The following SRD5A3 variants were observed in gnomAD, a reference collection of about 807,000 sequenced individuals.
SRD5A3 encodes the protein steroid 5 alpha-reductase 3.
In SRD5A3, 24 loss-of-function variants were observed where a neutral mutation model predicts 34.3. The ratio of observed to expected loss-of-function variants is 0.70; its 90% confidence interval spans 0.51 to 0.99. The LOEUF (loss-of-function observed/expected upper bound fraction) is 0.99, where lower values mean the gene tolerates loss of function less well. SRD5A3 is among the 50% of genes least tolerant of loss of function. The pLI, the probability that SRD5A3 is intolerant of heterozygous loss-of-function variation, is 0.00. For synonymous variants in SRD5A3, 161 were observed against 167.3 expected, an observed-to-expected ratio of 0.96 and a Z score of 0.29; for missense variants, 350 against 388.2, an observed-to-expected ratio of 0.90 and a Z score of 0.83.
At position 55,369,818 on chromosome 4, in the gene SRD5A3, T is replaced by C. The variant is rs768446893; in HGVS notation, c.698-14T>C. 2 of 1,614,060 alleles carry C rather than the reference T, an allele frequency of 1.2e-6. No homozygotes were observed. Among genetic ancestry groups the C allele is most frequent in the Non-Finnish European group, 1.7e-6 (2 of 1,180,014 alleles). On this transcript the variant is annotated splice_polypyrimidine_tract_variant and intron_variant, in intron 4 of 4. Transcript: ENST00000264228. ...ACCTTTAAATGCTTATGAGATCTTCTTTTACCCTTTCAGGAGTGGTCATTC... is the reference window on the plus strand; with the variant it reads ...ACCTTTAAATGCTTATGAGATCTTCCTTTACCCTTTCAGGAGTGGTCATTC...
intron 2 of SRD5A3, among the ~76,000 whole-genome samples, chr4:55,360,083 C>T (rs6822710): frequency 0.046 from 6,961 of 151,888 alleles, 239 homozygotes; most frequent in Non-Finnish European, 0.074. Context: ...GGCATGGTGG[C>T]GGGCACCTGT....
chr4:55,361,641 A>C (rs1719689160), intron 2 of SRD5A3, among the ~76,000 whole-genome samples: 1 of 152,080 alleles, frequency 6.6e-6, no homozygotes, highest in Admixed American at 6.5e-5. Context: ...CGTCTCTACT[A>C]AAAATACAAA....
chr4:55,355,732 C>T (rs1031942069), intron 1 of SRD5A3, among the ~76,000 whole-genome samples: 6 of 152,198 alleles, frequency 3.9e-5, no homozygotes, highest in Admixed American at 6.5e-5. Context: ...ATTTTAACTT[C>T]ACAGTCAGCA....
chr4:55,362,818 G>A (rs964823582), intron 2 of SRD5A3, among the ~76,000 whole-genome samples: 8 of 150,194 alleles, frequency 5.3e-5, no homozygotes, highest in East Asian at 2.0e-4. Flanking sequence ...GTGTGCATGC[G>A]TGTGTGTGTG....
At chr4:55,366,282 C>T (rs558761256) in intron 3 of SRD5A3, among the ~76,000 whole-genome samples, 2 of 152,298 alleles carry the variant, frequency 1.3e-5, no homozygotes. Context: ...GACACTGTAA[C>T]TTTTCATCCT....
At chr4:55,355,030 CAAGT>C (rs1460683857) in intron 1 of SRD5A3, among the ~76,000 whole-genome samples, 4 of 152,140 alleles carry the variant, frequency 2.6e-5, no homozygotes, top group South Asian at 2.1e-4. Context: ...AACAGTGCTA[CAAGT>C]AAGCAAAGTG....
At chr4:55,358,025 C>T (rs1719533890) in intron 1 of SRD5A3, among the ~76,000 whole-genome samples, 2 of 152,052 alleles carry the variant, frequency 1.3e-5, no homozygotes, top group South Asian at 2.1e-4. Flanking sequence ...TGGAGGAGCC[C>T]CTGCGATTAT....
chr4:55,360,008 C>G (rs6554273), intron 2 of SRD5A3, among the ~76,000 whole-genome samples: 34 of 151,224 alleles, frequency 2.2e-4, no homozygotes, highest in African/African-American at 3.9e-4. Context: ...GTCAGGAGAT[C>G]GAGACCATCC....
rs9992364 is a variant in SRD5A3 at position 55,355,564 on chromosome 4, A to G, written c.222-3782A>G. On this transcript the variant is annotated intron_variant, in intron 1 of 4. Coordinates refer to ENST00000264228, the MANE Select transcript of SRD5A3 (RefSeq NM_024592.5). Reference sequence around the variant, plus strand: ...GTGCCTGTGAATGAAAGACACCATGACACAAGTAGAGCGCAGCACGGTGTA... The same window carrying G: ...GTGCCTGTGAATGAAAGACACCATGGCACAAGTAGAGCGCAGCACGGTGTA... 7.1e-3 allele frequency among the ~76,000 whole-genome samples: 1,081 copies of G among 152,306 alleles called. 6 individuals carry two copies. The highest frequency in any genetic ancestry group is 0.025 in the African/African-American group (1,034 of 41,560).
chr4:55,348,029 A>G (rs1224961291), intron 1 of SRD5A3, among the ~76,000 whole-genome samples: 6 of 152,212 alleles, frequency 3.9e-5, no homozygotes, highest in Admixed American at 2.0e-4. Flanking sequence ...ATGTAAAATC[A>G]TCCCCTGAAC....
rs1226883669 is a variant in SRD5A3 at position 55,372,360 on chromosome 4, C to G, written c.*2269C>G. ...GTGAGAAAGCTGCAGTGTCCAGTTT[C>G]CCACCCCTGTTTCCTGCTGTCTCTC... On this transcript the variant is annotated 3_prime_UTR_variant, in exon 5 of 5. Transcript: ENST00000264228. 2.6e-5 allele frequency: 4 copies of G among 152,152 alleles called. No individual in the cohort carries two copies. Among genetic ancestry groups the G allele is most frequent in the Admixed American group, 2.0e-4 (3 of 15,278 alleles). The allele number at this position is 152,152 out of a possible 1,614,324, so 9.4% of individuals were successfully genotyped here. A position where few individuals can be genotyped will look rare whatever the true frequency, so the allele number is the denominator to read the frequency against.
At chr4:55,363,978 G>A in intron 2 of SRD5A3, 96 bp from the exon 3 acceptor site, 1 of 1,253,066 alleles carries the variant, frequency 8.0e-7, no homozygotes, top group Non-Finnish European at 1.2e-6. Flanking sequence ...AAAGATGTTA[G>A]ATGGGATTTA....
chr4:55,364,263 G>A lies in SRD5A3; in HGVS notation c.554G>A (p.Gly185Asp), dbSNP rs771495877. The stretch of plus-strand genomic sequence containing the variant: ...GTGCTGAGCCAAGTGCCAATGGATG[G>A]CAGGAATGGTGAGTGGATCCAGCCC... ...LTVLSQVPMD[G>D]RNAYITGKNL... The change falls in exon 3 of 5, where the codon GGC becomes GAC. Residue 185 changes from glycine to aspartate, a missense_variant. Transcript: ENST00000264228. The A allele has an allele frequency of 4.3e-6, 7 of 1,614,114 alleles. No homozygotes were observed. Among genetic ancestry groups the A allele is most frequent in the Non-Finnish European group, 8.5e-7 (1 of 1,180,038 alleles).
rs772068226 is a variant in SRD5A3 at position 55,346,565 on chromosome 4, C to G, written c.221+8C>G. The G allele has an allele frequency of 1.3e-6, 2 of 1,571,528 alleles. No individual in the cohort carries two copies. Among genetic ancestry groups the G allele is most frequent in the Non-Finnish European group, 1.7e-6 (2 of 1,159,866 alleles). ...CTTTGATGTCCCCAAGAGGTAACCG[C>G]GCCCCGGTCCCGAGCCGCGGTGGTC... On this transcript the variant is annotated splice_region_variant and intron_variant, in intron 1 of 4. Coordinates refer to ENST00000264228, the MANE Select transcript of SRD5A3 (RefSeq NM_024592.5).
In SRD5A3 at chr4:55,346,331, C is replaced by A; in HGVS notation, c.-6C>A. ...GCCAGCAGCGCGGAAGGCGGGCACG[C>A]GGGCCATGGCTCCCTGGGCGGAGGC... is the stretch of plus-strand genomic sequence containing the variant. On this transcript the variant is annotated 5_prime_UTR_variant, in exon 1 of 5. Transcript: ENST00000264228. 1 of 1,439,170 alleles carries A rather than the reference C, an allele frequency of 6.9e-7. No individual in the cohort carries two copies. The highest frequency in any genetic ancestry group is 9.1e-7 in the Non-Finnish European group (1 of 1,099,124). 89.2% of individuals were successfully genotyped at this position (1,439,170 alleles called of 1,614,324 possible). A position where few individuals can be genotyped will look rare whatever the true frequency, so the allele number is the denominator to read the frequency against.
chr4:55,356,352 C>T (rs141131929), intron 1 of SRD5A3, among the ~76,000 whole-genome samples: 8 of 152,248 alleles, frequency 5.3e-5, no homozygotes, highest in Non-Finnish European at 1.0e-4. Flanking sequence ...GTAAAATACA[C>T]GTAACTTAAA....
chr4:55,364,607 T>C, intron 3 of SRD5A3: 1 of 318,264 alleles, frequency 3.1e-6, no homozygotes, highest in South Asian at 3.0e-5. Context: ...TCCCAGCTAC[T>C]GGGGAGGCTG....
intron 1 of SRD5A3, among the ~76,000 whole-genome samples, chr4:55,357,505 A>G (rs949889955): frequency 6.6e-6 from 1 of 152,228 alleles, no homozygotes; most frequent in Non-Finnish European, 1.5e-5. Flanking sequence ...ACCCTGTGGT[A>G]TAACCAAAGA....
At chr4:55,346,890 T>A (rs1393667659) in intron 1 of SRD5A3, among the ~76,000 whole-genome samples, 1 of 152,124 alleles carries the variant, frequency 6.6e-6, no homozygotes, top group Non-Finnish European at 1.5e-5. Context: ...TCATGCGAAT[T>A]TAGGCGGCAA....
Sources: allele counts gnomAD v4.1 joint callset (sites outside exome capture counted in the v4.1 genomes callset), GRCh38; gene constraint gnomAD v4.1.1; transcripts MANE v1.5; gene names NCBI Gene and HGNC (gene_info 2026-07-23, HGNC 2026-07-21).